The following CCDC61 variants were observed in gnomAD, a reference collection of about 807,000 sequenced individuals.
CCDC61 encodes the protein centrosomal protein CCDC61.
A neutral mutation model predicts 63.0 loss-of-function variants in CCDC61; 55 were observed. That is an observed-to-expected ratio of 0.87 (90% CI 0.70 to 1.09). CCDC61 has a LOEUF of 1.09. Ranked by LOEUF, CCDC61 falls within the 50% of genes least tolerant of loss-of-function variation. CCDC61 has a pLI of 0.00. For missense variants in CCDC61, 651 were observed against 731.4 expected, an observed-to-expected ratio of 0.89 and a Z score of 1.27; for synonymous variants, 270 against 317.0, an observed-to-expected ratio of 0.85 and a Z score of 1.58.
Position 46,015,015 on chromosome 19 carries a change from T to C in CCDC61, c.552-34T>C. 1 of 1,477,802 alleles carries C rather than the reference T, an allele frequency of 6.8e-7. No individual in the cohort carries two copies. The highest frequency in any genetic ancestry group is 2.2e-5 in the Admixed American group (1 of 46,338). 91.5% of individuals were successfully genotyped at this position (1,477,802 alleles called of 1,614,324 possible). A position where few individuals can be genotyped will look rare whatever the true frequency, so the allele number is the denominator to read the frequency against. On this transcript the variant is annotated intron_variant, in intron 5 of 13. Transcript: ENST00000595358. This position sits in a 1 kb window ranked among gnomAD's most constrained non-coding sequence, Gnocchi z 5.3. ...GGAGTAGTGGGAATGGGGCCATGCCTCTCTCTCCAGCGCTCTCTCCGCGTC... is the reference window on the plus strand; with the variant it reads ...GGAGTAGTGGGAATGGGGCCATGCCCCTCTCTCCAGCGCTCTCTCCGCGTC...
rs1294659020 is a variant in CCDC61 at position 46,015,722 on chromosome 19, G to A, written c.845+295G>A. Among the ~76,000 whole-genome samples the A allele has an allele frequency of 6.6e-6, 1 of 152,168 alleles. No homozygotes were observed. The highest frequency in any genetic ancestry group is 2.4e-5 in the African/African-American group (1 of 41,442). The stretch of plus-strand genomic sequence containing the variant: ...TGGTGCGAAAGGGTGCGGCGCAGCA[G>A]GTGGGATCAGGGTGAGGTCCGCTGG... On this transcript the variant is annotated intron_variant, in intron 7 of 13. Transcript: ENST00000595358. The surrounding 1 kb of genome is among the most constrained non-coding windows in gnomAD (Gnocchi z 5.3).
chr19:45,999,322 T>C (rs1355165011), intron 1 of CCDC61, among the ~76,000 whole-genome samples: 1 of 137,174 alleles, frequency 7.3e-6, no homozygotes, highest in Non-Finnish European at 1.5e-5. Flanking sequence ...TCTGGGGCAG[T>C]GAAGGGGGGG....
At chr19:46,017,928 A>G (rs1968980323) in intron 12 of CCDC61, 150 bp from the exon 13 acceptor site, 1 of 648,018 alleles carries the variant, frequency 1.5e-6, no homozygotes, top group African/African-American at 1.8e-5. Context: ...TGAGGACATT[A>G]GGAGGTTATT....
At chr19:46,008,424 T>C in intron 5 of CCDC61, 123 bp downstream of exon 5, 1 of 888,308 alleles carries the variant, frequency 1.1e-6, no homozygotes, top group South Asian at 1.7e-5. Context: ...TCTTTTTTTT[T>C]TGAGACAAGA....
chr19:45,996,980 C>G (rs1568684675), intron 1 of CCDC61, among the ~76,000 whole-genome samples: 1 of 152,156 alleles, frequency 6.6e-6, no homozygotes, highest in Non-Finnish European at 1.5e-5. Flanking sequence ...CATTACACTG[C>G]AAAAGTCTTC....
Position 46,016,323 on chromosome 19 carries a change from C to G in CCDC61, c.1021C>G (p.Arg341Gly). 5 of 1,613,836 alleles carry G rather than the reference C, an allele frequency of 3.1e-6. No individual in the cohort carries two copies. The highest frequency in any genetic ancestry group is 4.2e-6 in the Non-Finnish European group (5 of 1,179,828). ...ARPSPSPTGGRALRFDPTAFV... is the reference protein window; with the variant it reads ...ARPSPSPTGGGALRFDPTAFV... ...CCTCTCCCACGCCGTCCTAGGTGGT[C>G]GCGCGCTCCGCTTCGACCCCACGGC... The change falls in exon 9 of 14, where the codon CGC (arginine) becomes GGC (glycine). Residue 341 changes from arginine to glycine, a missense_variant. Arg to Gly is a moderately radical substitution (Grantham distance 125, BLOSUM62 -2). Transcript: ENST00000595358. This position sits in a 1 kb window ranked among gnomAD's most constrained non-coding sequence, Gnocchi z 7.2.
intron 1 of CCDC61, 21 bp from the exon 2 acceptor site, chr19:46,002,987 C>T (rs1430507003): frequency 6.4e-7 from 1 of 1,551,826 alleles, no homozygotes; most frequent in Admixed American, 2.0e-5. Context: ...CTCTAGGTTT[C>T]TCTCTCATCT....
At chr19:46,017,581 G>C (rs1364241794) in intron 12 of CCDC61, among the ~76,000 whole-genome samples, 2 of 149,076 alleles carry the variant, frequency 1.3e-5, no homozygotes, top group Non-Finnish European at 3.0e-5. Context: ...ACAGGATAAG[G>C]GGGTGGTATT....
At chr19:46,012,703 T>A (rs75608718) in intron 5 of CCDC61, among the ~76,000 whole-genome samples, 2 of 151,552 alleles carry the variant, frequency 1.3e-5, no homozygotes, top group Admixed American at 1.3e-4. Context: ...AGCCTCCGTA[T>A]GTCTTTTTCC....
intron 11 of CCDC61, 81 bp from the exon 12 acceptor site, chr19:46,017,166 G>A: frequency 7.8e-6 from 12 of 1,531,310 alleles, no homozygotes; most frequent in Non-Finnish European, 1.1e-5. Context: ...GAGCCTGGGG[G>A]CCTTGAAACC....
At chr19:46,011,748 A>G (rs1347627192) in intron 5 of CCDC61, among the ~76,000 whole-genome samples, 1 of 152,154 alleles carries the variant, frequency 6.6e-6, no homozygotes, top group Non-Finnish European at 1.5e-5. Flanking sequence ...TATGCACTCA[A>G]ATTGCCCGGG....
rs148657153 is a variant in CCDC61, at chr19:45,998,802, C to T, written c.-12+3298C>T. Among the ~76,000 whole-genome samples, 246 of 152,266 alleles carry T rather than the reference C, an allele frequency of 1.6e-3. 1 individual carries two copies. Among genetic ancestry groups the T allele is most frequent in the East Asian group, 8.5e-3 (44 of 5,176 alleles). On this transcript the variant is annotated intron_variant, in intron 1 of 13. Coordinates refer to ENST00000595358, the MANE Select transcript of CCDC61 (RefSeq NM_001267723.2). Reference sequence around the variant, plus strand: ...TATAAGGTAGGAGCTCTTATTATCCCGCTTTACTGATGGGGGAAGGCCCAG... The same window carrying T: ...TATAAGGTAGGAGCTCTTATTATCCTGCTTTACTGATGGGGGAAGGCCCAG...
intron 5 of CCDC61, among the ~76,000 whole-genome samples, chr19:46,008,926 C>T (rs890306625): frequency 8.5e-5 from 13 of 152,052 alleles, no homozygotes; most frequent in Admixed American, 8.5e-4. Flanking sequence ...GGGGGGAGGT[C>T]GAGCTCTATG....
At chr19:46,017,769 T>G (rs1466972917) in intron 12 of CCDC61, among the ~76,000 whole-genome samples, 1 of 152,124 alleles carries the variant, frequency 6.6e-6, no homozygotes, top group Non-Finnish European at 1.5e-5. Context: ...GGGCTTTGGC[T>G]TCTGACTGTC....
In CCDC61 at chr19:46,015,251, GC is replaced by G. The variant is rs942842978; in HGVS notation, c.756del (p.Lys253ArgfsTer17). The G allele has an allele frequency of 6.8e-7, 1 of 1,465,702 alleles. No homozygotes were observed. Among genetic ancestry groups the G allele is most frequent in the Non-Finnish European group, 9.0e-7 (1 of 1,116,118 alleles). The allele number at this position is 1,465,702 out of a possible 1,614,324, so 90.8% of individuals were successfully genotyped here. A position where few individuals can be genotyped will look rare whatever the true frequency, so the allele number is the denominator to read the frequency against. On this transcript the variant is annotated frameshift_variant, in exon 6 of 14. Transcript: ENST00000595358. LOFTEE classifies it high-confidence loss of function. This position sits in a 1 kb window ranked among gnomAD's most constrained non-coding sequence, Gnocchi z 5.3. ...TCGCGGCCAGGACTGCCGCCGTCTG[GC>G]CAAGGAGGTGAGCAGCGGGGGCCCG... ...GRRGQDCRRL[A>X]KELEEAKASE...
intron 3 of CCDC61, among the ~76,000 whole-genome samples, chr19:46,004,024 C>T (rs1042946633): frequency 2.0e-4 from 31 of 151,732 alleles, no homozygotes; most frequent in East Asian, 5.8e-4. Flanking sequence ...CTGCAACCTC[C>T]GCCTCCCAGG....
At chr19:45,995,606 G>C (rs550912195) in intron 1 of CCDC61, 102 bp downstream of exon 1, 10 of 386,994 alleles carry the variant, frequency 2.6e-5, no homozygotes, top group African/African-American at 1.5e-4. Context: ...GTGGGCAGCT[G>C]ACCTGGCCTT....
chr19:46,012,842 CTTAAT>C (rs1220549694), intron 5 of CCDC61, among the ~76,000 whole-genome samples: 2 of 142,164 alleles, frequency 1.4e-5, no homozygotes, highest in Non-Finnish European at 3.1e-5. Flanking sequence ...TCTTTTTGCA[CTTAAT>C]TTAATTTTTT....
In CCDC61 at chr19:46,016,052, A is replaced by T; in HGVS notation, c.846-2A>T. On this transcript the variant is annotated splice_acceptor_variant, in intron 7 of 13. Transcript: ENST00000595358. LOFTEE classifies it high-confidence loss of function. The surrounding 1 kb of genome is among the most constrained non-coding windows in gnomAD (Gnocchi z 7.2). ...AGCTGACAGCTGCCTCTGTGGTCTC[A>T]GGAGGCGGACTCCGCCGGTGCAGCC... 8.1e-7 allele frequency: 1 copy of T among 1,235,642 alleles called. No homozygotes were observed. The highest frequency in any genetic ancestry group is 1.0e-6 in the Non-Finnish European group (1 of 991,158). 76.5% of individuals were successfully genotyped at this position (1,235,642 alleles called of 1,614,324 possible).
Sources: allele counts gnomAD v4.1 joint callset (sites outside exome capture counted in the v4.1 genomes callset), GRCh38; gene constraint gnomAD v4.1.1; non-coding constraint Gnocchi (gnomAD v3.1); transcripts MANE v1.5; gene names NCBI Gene and HGNC (gene_info 2026-07-23, HGNC 2026-07-21).